SGCZ: variants seen among roughly 807,000 people sequenced by gnomAD.
SGCZ encodes the protein sarcoglycan zeta.
Under a neutral mutation model 41.3 loss-of-function variants are expected in SGCZ, and 40 were observed. The observed-to-expected ratio is 0.97, with a 90% CI of 0.75 to 1.26. SGCZ has a LOEUF of 1.26. SGCZ is among the 50% of genes most tolerant of loss of function. SGCZ has a pLI of 0.00. For missense variants in SGCZ, 552 were observed against 369.8 expected (o/e 1.49, Z -4.04); for synonymous variants, 206 against 137.5 (o/e 1.50, Z -3.49).
chr8:14,141,241 C>A (rs1803360148), intron 5 of SGCZ, among the ~76,000 whole-genome samples: 1 of 152,086 alleles, frequency 6.6e-6, no homozygotes, highest in Non-Finnish European at 1.5e-5. Flanking sequence ...CTATACCATT[C>A]AGGACACAGG....
At chr8:15,017,263 G>C (rs560032879) in intron 1 of SGCZ, among the ~76,000 whole-genome samples, 1 of 152,126 alleles carries the variant, frequency 6.6e-6, no homozygotes, top group Admixed American at 6.5e-5. Context: ...TTTTTATATA[G>C]GATTCGATAA....
chr8:14,361,015 A>T (rs146593392), intron 2 of SGCZ, among the ~76,000 whole-genome samples: 62 of 152,224 alleles, frequency 4.1e-4, no homozygotes, highest in African/African-American at 1.4e-3. Flanking sequence ...CATAGTTTTC[A>T]TATGTATTTC....
At chr8:14,269,467 A>T (rs113020472) in intron 3 of SGCZ, among the ~76,000 whole-genome samples, 5 of 152,198 alleles carry the variant, frequency 3.3e-5, no homozygotes, top group African/African-American at 1.2e-4. Context: ...GAGGCACTGC[A>T]TCAGAAATAT....
chr8:14,300,957 A>C (rs1446707121), intron 3 of SGCZ, among the ~76,000 whole-genome samples: 1 of 151,994 alleles, frequency 6.6e-6, no homozygotes, highest in Non-Finnish European at 1.5e-5. Flanking sequence ...GTGAAGATGC[A>C]GCCAGCCTCC....
intron 2 of SGCZ, among the ~76,000 whole-genome samples, chr8:14,467,995 TA>T (rs1372584600): frequency 6.6e-6 from 1 of 152,076 alleles, no homozygotes; most frequent in East Asian, 1.9e-4. Context: ...ATTGACCATT[TA>T]ATATGGGTCA....
At chr8:14,325,741 CACACACATATATATATATATATATATAT>C (rs1563258433) in intron 2 of SGCZ, among the ~76,000 whole-genome samples, 1 of 32,054 alleles carries the variant, frequency 3.1e-5, no homozygotes, top group African/African-American at 9.0e-5. Flanking sequence ...CACACACACA[CACACACATATATATATATATATATATAT>C]ATATATATAT....
At chr8:14,590,156 C>T (rs1805195392) in intron 1 of SGCZ, among the ~76,000 whole-genome samples, 1 of 151,792 alleles carries the variant, frequency 6.6e-6, no homozygotes, top group African/African-American at 2.4e-5. Context: ...TTACATCATT[C>T]AAAAATATGC....
chr8:15,128,685 G>T (rs1164747141), intron 1 of SGCZ, among the ~76,000 whole-genome samples: 2 of 152,152 alleles, frequency 1.3e-5, no homozygotes, highest in Admixed American at 1.3e-4. Context: ...TTACTGCAAA[G>T]AAACACATGT....
intron 1 of SGCZ, among the ~76,000 whole-genome samples, chr8:14,831,010 A>G (rs1802506828): frequency 6.6e-6 from 1 of 152,158 alleles, no homozygotes; most frequent in Admixed American, 6.5e-5. Flanking sequence ...TAAAAATCTT[A>G]TTTGACTCCT....
chr8:14,774,503 A>C (rs1800341644), intron 1 of SGCZ, among the ~76,000 whole-genome samples: 1 of 152,238 alleles, frequency 6.6e-6, no homozygotes, highest in Admixed American at 6.5e-5. Context: ...GATAGAAACC[A>C]CATGTTGCAG....
intron 2 of SGCZ, among the ~76,000 whole-genome samples, chr8:14,413,010 C>G (rs561267901): frequency 6.6e-6 from 1 of 151,948 alleles, no homozygotes; most frequent in South Asian, 2.1e-4. Context: ...TAAAGGACAA[C>G]AGTTAGATTT....
intron 3 of SGCZ, among the ~76,000 whole-genome samples, chr8:14,307,353 C>T (rs1801383228): frequency 1.3e-5 from 2 of 152,062 alleles, no homozygotes; most frequent in South Asian, 4.1e-4. Flanking sequence ...TTCAATAGTT[C>T]AAAACTTCTA....
intron 1 of SGCZ, among the ~76,000 whole-genome samples, chr8:14,993,757 CAGA>C (rs1802109229): frequency 2.0e-5 from 3 of 152,108 alleles, no homozygotes; most frequent in South Asian, 4.2e-4. Flanking sequence ...CATGAATAGG[CAGA>C]AGAATAATAG....
chr8:14,215,858 G>A (rs189219384), intron 4 of SGCZ, among the ~76,000 whole-genome samples: 1 of 152,268 alleles, frequency 6.6e-6, no homozygotes, highest in African/African-American at 2.4e-5. Context: ...AAAATACCTT[G>A]GCCCAGATGG....
rs560734736 is a variant in SGCZ, at chr8:14,532,681, A to G, written c.234+22051T>C. On this transcript the variant is annotated intron_variant, in intron 2 of 7. Coordinates refer to ENST00000382080, the MANE Select transcript of SGCZ (RefSeq NM_139167.4). ...AGAGTTTAGGGAAAATGTGTCTAGT[A>G]TGCCTTACAGTGAAAACTTGCTTTG... 1.2e-4 allele frequency among the ~76,000 whole-genome samples: 14 copies of G among 121,138 alleles called. No homozygotes were observed. In the East Asian group the frequency reaches 3.7e-3, roughly 32 times the overall value. 79.5% of individuals were successfully genotyped at this position (121,138 alleles called of 152,430 possible).
intron 4 of SGCZ, among the ~76,000 whole-genome samples, chr8:14,222,592 G>A (rs1465084049): frequency 6.6e-6 from 1 of 151,970 alleles, no homozygotes; most frequent in Non-Finnish European, 1.5e-5. Context: ...ATTCTCCCAC[G>A]AAGATCAGAA....
chr8:15,106,496 C>T (rs1377942410), intron 1 of SGCZ, among the ~76,000 whole-genome samples: 11 of 152,072 alleles, frequency 7.2e-5, no homozygotes, highest in Admixed American at 5.9e-4. Context: ...TATGCCTAGA[C>T]AGTCTAAATG....
At chr8:14,254,153 G>A (rs553859906) in intron 3 of SGCZ, among the ~76,000 whole-genome samples, 14 of 152,156 alleles carry the variant, frequency 9.2e-5, no homozygotes, top group Non-Finnish European at 1.0e-4. Context: ...CACTTATCTC[G>A]TTGCTTATAA....
chr8:15,090,173 T>C (rs983679829), intron 1 of SGCZ, among the ~76,000 whole-genome samples: 2 of 152,204 alleles, frequency 1.3e-5, no homozygotes, highest in African/African-American at 4.8e-5. Context: ...ACAAAGGTCA[T>C]GACATCCACA....
Sources: gnomAD v4.1 joint callset for allele counts (sites outside exome capture counted in the v4.1 genomes callset) on GRCh38, gnomAD v4.1.1 for gene constraint, MANE v1.5 for transcripts, NCBI Gene and HGNC (gene_info 2026-07-23, HGNC 2026-07-21) for gene names.